The following ANK2 variants were observed in gnomAD, a reference collection of about 807,000 sequenced individuals.
ANK2 encodes ankyrin-2.
ANK2 carries 83 observed loss-of-function variants against 360.5 expected under a neutral mutation model. That is an observed-to-expected ratio of 0.23 (90% CI 0.19 to 0.28). The LOEUF is 0.28. Among genes scored for constraint, ANK2 ranks in the 10% least tolerant of loss-of-function variants. The pLI is 1.00. For synonymous variants in ANK2, 1,740 were observed against 1,759.5 expected (o/e 0.99, Z 0.28); for missense variants, 4,201 against 4,795.7 (o/e 0.88, Z 3.66).
At chr4:112,946,310 G>T (rs2094540670) in intron 2 of ANK2, among the ~76,000 whole-genome samples, 1 of 152,192 alleles carries the variant, frequency 6.6e-6, no homozygotes, top group Admixed American at 6.5e-5. Context: ...GCTTTCAGGA[G>T]CTGGAGCACT....
intron 2 of ANK2, among the ~76,000 whole-genome samples, chr4:112,988,916 C>G (rs770419855): frequency 1.3e-5 from 2 of 152,074 alleles, no homozygotes; most frequent in Non-Finnish European, 2.9e-5. Context: ...CTGATGGTCT[C>G]CTAATAGTTT....
intron 2 of ANK2, among the ~76,000 whole-genome samples, chr4:112,926,998 G>A (rs2092638760): frequency 6.6e-6 from 1 of 152,110 alleles, no homozygotes; most frequent in South Asian, 2.1e-4. Context: ...CATGGCAGCA[G>A]GAAGGAGAAT....
chr4:113,377,136 T>TATACATAGTAAATGTATTTACC (rs1486801071), intron 45 of ANK2, among the ~76,000 whole-genome samples: 2 of 152,196 alleles, frequency 1.3e-5, no homozygotes, highest in Admixed American at 1.3e-4. Flanking sequence ...ATGTATTTAC[T>TATACATAGTAAATGTATTTACC]ATACATAGTA....
chr4:112,716,603 G>A, the ANK2 span, among the ~76,000 whole-genome samples: 1 of 152,042 alleles, frequency 6.6e-6, no homozygotes, highest in Non-Finnish European at 1.5e-5. Context: ...TGCCCAGGCC[G>A]GAGTGCAGCG....
chr4:112,710,355 G>C, the ANK2 span, among the ~76,000 whole-genome samples: 1 of 152,140 alleles, frequency 6.6e-6, no homozygotes, highest in Non-Finnish European at 1.5e-5. Context: ...TTTAACTATA[G>C]TATTTACGGT....
At chr4:112,765,647 C>T in the ANK2 span, among the ~76,000 whole-genome samples, 1 of 146,700 alleles carries the variant, frequency 6.8e-6, no homozygotes, top group Non-Finnish European at 1.5e-5. Context: ...GGAACAACTC[C>T]CCCCTCCCCC....
At position 113,271,479 on chromosome 4, in the gene ANK2, G is replaced by GACACACACACAC. The variant is rs3059950; in HGVS notation, c.1486-2960_1486-2949dup. Among the ~76,000 whole-genome samples, 1,577 of 150,414 alleles carry GACACACACACAC rather than the reference G, an allele frequency of 0.01. 90 individuals are homozygous for GACACACACACAC. In the East Asian group the frequency reaches 0.19, roughly 18 times the overall value. On this transcript the variant is annotated intron_variant, in intron 14 of 45. Transcript: ENST00000357077. ...ACGCATGCGTGCACATGCACGCACA[G>GACACACACACAC]ACACACACACACACACACACACACT...
At chr4:113,264,269 T>C (rs933249836) in intron 13 of ANK2, among the ~76,000 whole-genome samples, 2 of 152,252 alleles carry the variant, frequency 1.3e-5, no homozygotes, top group African/African-American at 4.8e-5. Context: ...GATTTATTTA[T>C]GGTATAAGTG....
intron 5 of ANK2, among the ~76,000 whole-genome samples, chr4:113,235,240 A>T (rs962318045): frequency 6.6e-6 from 1 of 152,352 alleles, no homozygotes; most frequent in African/African-American, 2.4e-5. Flanking sequence ...TTCACAGAGC[A>T]TTTAATTTGT....
intron 36 of ANK2, 87 bp downstream of exon 36, chr4:113,348,395 CG>C: frequency 7.1e-7 from 1 of 1,418,198 alleles, no homozygotes; most frequent in South Asian, 1.2e-5. Flanking sequence ...TGTTCTTAGA[CG>C]GGGTAGGCGG....
Position 113,356,571 on chromosome 4 carries a change from G to A in ANK2, c.7953G>A (p.Val2651=). The A allele has an allele frequency of 6.2e-7, 1 of 1,614,110 alleles. No individual in the cohort carries two copies. ...GSGEDESGVP[V]LVTSESRKVS... ...GGGAGGATGAAAGTGGTGTCCCTGT[G>A]TTAGTAACTTCGGAGAGCAGGAAGG... The change falls in exon 38 of 46, where the codon GTG becomes GTA. Residue 2651 remains valine (V), a synonymous_variant. Transcript: ENST00000357077.
intron 24 of ANK2, among the ~76,000 whole-genome samples, chr4:113,312,477 C>T (rs1158390400): frequency 2.6e-5 from 4 of 151,730 alleles, no homozygotes; most frequent in African/African-American, 9.7e-5. Flanking sequence ...TGGGCTTTTT[C>T]CTTGAGCACC....
intron 2 of ANK2, among the ~76,000 whole-genome samples, chr4:113,019,615 A>G (rs140428371): frequency 6.6e-6 from 1 of 152,320 alleles, no homozygotes; most frequent in African/African-American, 2.4e-5. Flanking sequence ...ATTAACAATC[A>G]TTTTGAGACA....
At chr4:112,713,947 A>C in the ANK2 span, among the ~76,000 whole-genome samples, 1 of 148,658 alleles carries the variant, frequency 6.7e-6, no homozygotes, top group African/African-American at 2.5e-5. Flanking sequence ...AAAAAAAACA[A>C]AAAAAAAAAC....
At chr4:113,369,114 A>G (rs890342323) in intron 42 of ANK2, among the ~76,000 whole-genome samples, 1 of 151,994 alleles carries the variant, frequency 6.6e-6, no homozygotes, top group African/African-American at 2.4e-5. Flanking sequence ...GATTTATGTA[A>G]TTCTGCCAAA....
chr4:113,334,200 T>C (rs2093088019), intron 29 of ANK2, among the ~76,000 whole-genome samples: 1 of 152,162 alleles, frequency 6.6e-6, no homozygotes, highest in Admixed American at 6.5e-5. Context: ...ACGGTTTGAA[T>C]AAGAATAGAG....
the ANK2 span, among the ~76,000 whole-genome samples, chr4:112,730,983 C>CA: frequency 6.7e-6 from 1 of 150,206 alleles, no homozygotes; most frequent in Non-Finnish European, 1.5e-5. Flanking sequence ...ACTAAAAATA[C>CA]AAAAAAAAAT....
chr4:113,379,631 G>A (rs1281092340), intron 45 of ANK2, among the ~76,000 whole-genome samples: 2 of 151,978 alleles, frequency 1.3e-5, no homozygotes, highest in African/African-American at 4.8e-5. Flanking sequence ...CGCGTATTTA[G>A]GAAAACATCA....
At chr4:112,743,498 ATTCCTTCC>A in the ANK2 span, among the ~76,000 whole-genome samples, 10 of 134,594 alleles carry the variant, frequency 7.4e-5, no homozygotes, top group Non-Finnish European at 1.3e-4. Context: ...TCTCTCCTTC[ATTCCTTCC>A]TTCCTTCCTT....
Sources: allele counts gnomAD v4.1 joint callset (sites outside exome capture counted in the v4.1 genomes callset), GRCh38; gene constraint gnomAD v4.1.1; transcripts MANE v1.5; gene names NCBI Gene and HGNC (gene_info 2026-07-23, HGNC 2026-07-21).